C6orf62: variants seen among roughly 807,000 people sequenced by gnomAD.
C6orf62 encodes the protein chromosome 6 open reading frame 62.
In C6orf62, 16 loss-of-function variants were observed where a neutral mutation model predicts 26.8. The ratio of observed to expected loss-of-function variants is 0.60; its 90% CI spans 0.40 to 0.91. C6orf62 has a LOEUF of 0.91. Among genes scored for constraint, C6orf62 ranks in the 40% least tolerant of loss-of-function variants. The pLI is 0.00. For missense variants in C6orf62, 192 were observed against 271.4 expected, an observed-to-expected ratio of 0.71 and a Z score of 2.06; for synonymous variants, 112 against 91.5, an observed-to-expected ratio of 1.22 and a Z score of -1.28.
chr6:24,716,860 A>T (rs1779244515), intron 1 of C6orf62, among the ~76,000 whole-genome samples: 1 of 151,846 alleles, frequency 6.6e-6, no homozygotes, highest in Non-Finnish European at 1.5e-5. Flanking sequence ...AGTAGCTGGG[A>T]TTACAGGCCT....
intron 3 of C6orf62, chr6:24,710,646 G>C: frequency 1.0e-6 from 1 of 983,792 alleles, no homozygotes; most frequent in Non-Finnish European, 1.2e-6. Context: ...TATGATTTTG[G>C]ATTGCGCCTT....
intron 4 of C6orf62, among the ~76,000 whole-genome samples, chr6:24,707,784 A>G (rs923336658): frequency 1.3e-5 from 2 of 151,936 alleles, no homozygotes; most frequent in African/African-American, 4.8e-5. Flanking sequence ...CAGGCAGATC[A>G]TGAGGTCAGG....
upstream of C6orf62, chr6:24,720,013 G>GGGGGGCCCC: frequency 2.7e-6 from 4 of 1,479,390 alleles, no homozygotes; most frequent in Non-Finnish European, 3.6e-6. Context: ...TCTAAAGTAA[G>GGGGGGCCCC]CCCACCCACC....
chr6:24,716,853 A>C (rs1441872191), intron 1 of C6orf62, among the ~76,000 whole-genome samples: 1 of 151,840 alleles, frequency 6.6e-6, no homozygotes, highest in Non-Finnish European at 1.5e-5. Flanking sequence ...CCTCTCGAGT[A>C]GCTGGGATTA....
intron 1 of C6orf62, among the ~76,000 whole-genome samples, chr6:24,717,523 G>A (rs1440407712): frequency 6.6e-6 from 1 of 152,206 alleles, no homozygotes; most frequent in East Asian, 1.9e-4. Flanking sequence ...GCTGTGCGTG[G>A]CAGCTCCTGC....
chr6:24,719,589 T>A, upstream of C6orf62: 1 of 1,387,810 alleles, frequency 7.2e-7, no homozygotes, highest in East Asian at 2.8e-5. Flanking sequence ...TAATACGGTA[T>A]TAATTATTCC....
intron 3 of C6orf62, chr6:24,709,344 T>C (rs1243949964): frequency 2.1e-5 from 21 of 985,180 alleles, no homozygotes; most frequent in Non-Finnish European, 2.4e-5. Flanking sequence ...ACTCCCACCA[T>C]AGTACTTTAA....
upstream of C6orf62, chr6:24,720,796 A>C (rs3813686): frequency 0.11 from 16,307 of 152,352 alleles, 997 homozygotes; most frequent in South Asian, 0.23. Flanking sequence ...GAAGCGGCGA[A>C]GGCCTCGGGC....
chr6:24,712,629 T>C (rs1779143886), intron 3 of C6orf62, among the ~76,000 whole-genome samples: 2 of 146,044 alleles, frequency 1.4e-5, no homozygotes, highest in East Asian at 2.0e-4. Context: ...GAGGAGGAGG[T>C]TGCAGTGAGC....
chr6:24,708,628 A>G (rs1581393930), intron 4 of C6orf62, 149 bp downstream of exon 4: 1 of 1,057,762 alleles, frequency 9.5e-7, no homozygotes, highest in Admixed American at 2.3e-5. Flanking sequence ...ATGAGCCACC[A>G]TGCCCAGCCT....
chr6:24,708,823 T>C lies in C6orf62; in HGVS notation c.518A>G (p.Asn173Ser). The C allele has an allele frequency of 6.2e-7, 1 of 1,614,212 alleles. No individual in the cohort carries two copies. The highest frequency in any genetic ancestry group is 8.5e-7 in the Non-Finnish European group (1 of 1,180,036). ...GAAGAGAAACACTGACTGGTTAGGA[T>C]TGTTGACAACGATTCCAGTCTTGTC... ...RKDKTGIVVN[N>S]PNQSVFLFID... Residue 173 changes from asparagine to serine, a missense_variant, in exon 4 of 5, where the codon AAT (asparagine) becomes AGT (serine). Physicochemically the swap from Asn to Ser is conservative, Grantham distance 46. Transcript: ENST00000378119.
chr6:24,720,284 G>C (rs1391463410), upstream of C6orf62: 2 of 1,300,372 alleles, frequency 1.5e-6, no homozygotes, highest in South Asian at 2.4e-5. Context: ...GGCGGCGGAA[G>C]AGGCGGCGGC....
chr6:24,719,791 C>T (rs1446951679), upstream of C6orf62: 2 of 1,547,374 alleles, frequency 1.3e-6, no homozygotes, highest in South Asian at 1.2e-5. Flanking sequence ...AGGCGGTGCC[C>T]GGAGACCACC....
intron 3 of C6orf62, chr6:24,710,311 G>T: frequency 3.4e-6 from 3 of 890,180 alleles, no homozygotes; most frequent in Non-Finnish European, 4.0e-6. Context: ...TGTTGCCCAG[G>T]CTGGAGTGCA....
intron 4 of C6orf62, 87 bp downstream of exon 4, chr6:24,708,690 A>G: frequency 1.3e-6 from 2 of 1,536,288 alleles, no homozygotes; most frequent in Non-Finnish European, 1.8e-6. Context: ...TGGGGGACAC[A>G]ACAATTAAGT....
rs1283318392 is a variant in C6orf62, at chr6:24,718,908, TC to T, written c.-241del. 1 of 1,295,530 alleles carries T rather than the reference TC, an allele frequency of 7.7e-7. No individual in the cohort carries two copies. Among genetic ancestry groups the T allele is most frequent in the Non-Finnish European group, 9.8e-7 (1 of 1,024,420 alleles). The allele number at this position is 1,295,530 out of a possible 1,614,324, so 80.3% of individuals were successfully genotyped here. On this transcript the variant is annotated 5_prime_UTR_variant, in exon 1 of 5. Transcript: ENST00000378119. ...CATGTTTGGACAATAACGTTTGGGG[TC>T]AGACGGGAAAAAGGGAGGAAAGAAA...
chr6:24,718,888 T>C lies in C6orf62; in HGVS notation c.-220A>G. ...AACAAAAGCTGCTGTCCAGTCATGT[T>C]TGGACAATAACGTTTGGGGTCAGAC... is the stretch of plus-strand genomic sequence containing the variant. On this transcript the variant is annotated 5_prime_UTR_variant, in exon 1 of 5. Coordinates refer to ENST00000378119, the MANE Select transcript of C6orf62 (RefSeq NM_030939.5). The C allele has an allele frequency of 7.4e-7, 1 of 1,360,182 alleles. No homozygotes were observed. Among genetic ancestry groups the C allele is most frequent in the South Asian group, 1.7e-5 (1 of 58,926 alleles). The allele number at this position is 1,360,182 out of a possible 1,614,324, so 84.3% of individuals were successfully genotyped here. A position where few individuals can be genotyped will look rare whatever the true frequency, so the allele number is the denominator to read the frequency against.
intron 1 of C6orf62, among the ~76,000 whole-genome samples, chr6:24,717,646 G>C (rs1372834944): frequency 6.6e-6 from 1 of 152,124 alleles, no homozygotes; most frequent in Non-Finnish European, 1.5e-5. Flanking sequence ...AATAATAAGA[G>C]TTAAACAGTA....
intron 3 of C6orf62, chr6:24,709,268 T>A (rs138444008): frequency 1.0e-6 from 1 of 985,310 alleles, no homozygotes; most frequent in Admixed American, 6.2e-5. Flanking sequence ...ATGCTCTGCA[T>A]CAAAATGACT....
Sources: allele counts gnomAD v4.1 joint callset (sites outside exome capture counted in the v4.1 genomes callset), GRCh38; gene constraint gnomAD v4.1.1; transcripts MANE v1.5; gene names NCBI Gene and HGNC (gene_info 2026-07-23, HGNC 2026-07-21).